STK32A: variants seen among roughly 807,000 people sequenced by gnomAD.
STK32A encodes serine/threonine-protein kinase 32A.
A neutral mutation model predicts 53.2 loss-of-function variants in STK32A; 41 were observed. The observed-to-expected ratio is 0.77, with a 90% CI of 0.60 to 1.00. The LOEUF (loss-of-function observed/expected upper bound fraction) is 1.00, where lower values mean the gene tolerates loss of function less well. STK32A is among the 50% of genes least tolerant of loss of function. The probability of loss-of-function intolerance (pLI) is 0.00; values close to 1 mark genes in which losing one functional copy is unlikely to be tolerated. For synonymous variants in STK32A, 166 were observed against 162.8 expected (o/e 1.02, Z -0.15); for missense variants, 458 against 485.8 (o/e 0.94, Z 0.54).
intron 2 of STK32A, among the ~76,000 whole-genome samples, chr5:147,267,867 C>T (rs891976910): frequency 6.6e-6 from 1 of 152,280 alleles, no homozygotes; most frequent in East Asian, 1.9e-4. Flanking sequence ...CTGCAAGACC[C>T]AGTTAAAATG....
At chr5:147,271,521 C>T (rs56070607) in intron 2 of STK32A, among the ~76,000 whole-genome samples, 10,039 of 152,198 alleles carry the variant, frequency 0.066, 393 homozygotes, top group South Asian at 0.085. Context: ...CTCTGACCGC[C>T]GGTGAGCCGG....
intron 2 of STK32A, among the ~76,000 whole-genome samples, chr5:147,249,938 C>T (rs539034263): frequency 6.3e-4 from 80 of 126,952 alleles, no homozygotes; most frequent in Non-Finnish European, 1.1e-3. Flanking sequence ...AAAAAGTGGC[C>T]TCATCTTCAT....
chr5:147,262,833 G>T (rs1754642542), intron 2 of STK32A, among the ~76,000 whole-genome samples: 1 of 152,110 alleles, frequency 6.6e-6, no homozygotes, highest in Admixed American at 6.6e-5. Flanking sequence ...GAAGGGGAAG[G>T]TGAGAAATAA....
chr5:147,279,431 C>A (rs1444050240), intron 4 of STK32A, 33 bp downstream of exon 4: 2 of 1,544,750 alleles, frequency 1.3e-6, no homozygotes, highest in East Asian at 4.9e-5. Flanking sequence ...TGAATAGAGA[C>A]ACTCCTGTTA....
intron 5 of STK32A, among the ~76,000 whole-genome samples, chr5:147,328,148 C>T (rs1754692388): frequency 6.6e-6 from 1 of 152,190 alleles, no homozygotes; most frequent in Admixed American, 6.5e-5. Context: ...GGACTTTTAA[C>T]AGCCAAAGCA....
intron 1 of STK32A, among the ~76,000 whole-genome samples, chr5:147,238,366 C>T (rs915380284): frequency 2.6e-5 from 4 of 152,144 alleles, no homozygotes; most frequent in Non-Finnish European, 4.4e-5. Flanking sequence ...CTATAGGGAT[C>T]CCAGCTTGTC....
intron 6 of STK32A, among the ~76,000 whole-genome samples, chr5:147,350,256 A>C (rs1183341341): frequency 1.3e-5 from 2 of 150,424 alleles, no homozygotes; most frequent in East Asian, 2.0e-4. Context: ...ATATGTACAA[A>C]AATATTTTAG....
chr5:147,282,550 C>T (rs1752114298), intron 4 of STK32A, among the ~76,000 whole-genome samples: 1 of 151,826 alleles, frequency 6.6e-6, no homozygotes, highest in Non-Finnish European at 1.5e-5. Flanking sequence ...AGGAGACTCA[C>T]CTAGTACATA....
intron 7 of STK32A, among the ~76,000 whole-genome samples, chr5:147,357,732 T>C (rs924640723): frequency 3.3e-5 from 5 of 152,018 alleles, no homozygotes; most frequent in Non-Finnish European, 5.9e-5. Flanking sequence ...TATGGTTTCA[T>C]TTTTTTACTT....
chr5:147,251,989 GC>G (rs1754020816), intron 2 of STK32A, among the ~76,000 whole-genome samples: 1 of 151,980 alleles, frequency 6.6e-6, no homozygotes, highest in Non-Finnish European at 1.5e-5. Context: ...GATCGCTGGA[GC>G]CCAGGAGTTC....
chr5:147,381,036 C>T (rs531379466), intron 11 of STK32A, among the ~76,000 whole-genome samples: 1 of 152,250 alleles, frequency 6.6e-6, no homozygotes, highest in South Asian at 2.1e-4. Context: ...GTTACTGTCT[C>T]GTGTCCTTTC....
chr5:147,400,650 T>G, the STK32A span: 1 of 1,604,136 alleles, frequency 6.2e-7, no homozygotes, highest in Non-Finnish European at 8.5e-7. Context: ...GGCCCATGGA[T>G]GTTTTGGCTC....
chr5:147,259,625 C>T (rs990471398), intron 2 of STK32A, among the ~76,000 whole-genome samples: 1 of 152,000 alleles, frequency 6.6e-6, no homozygotes, highest in Non-Finnish European at 1.5e-5. Context: ...ACATGTGCCA[C>T]GTTGGTGTGC....
chr5:147,353,222 C>T (rs1038816794), intron 7 of STK32A, among the ~76,000 whole-genome samples: 6 of 152,210 alleles, frequency 3.9e-5, no homozygotes, highest in Non-Finnish European at 8.8e-5. Flanking sequence ...GATCAATCCT[C>T]CACCTCCATA....
chr5:147,383,589 A>G (rs1448817845), intron 12 of STK32A, 84 bp downstream of exon 12: 11 of 1,134,934 alleles, frequency 9.7e-6, no homozygotes, highest in Non-Finnish European at 1.4e-5. Context: ...ATATATTTTT[A>G]ACATTTTAAA....
chr5:147,276,686 C>T (rs943564558), intron 2 of STK32A, among the ~76,000 whole-genome samples: 1 of 152,186 alleles, frequency 6.6e-6, no homozygotes, highest in Non-Finnish European at 1.5e-5. Flanking sequence ...TCCCCACCCT[C>T]ATTAAGCTTA....
chr5:147,332,009 G>A (rs1411041495), intron 5 of STK32A, among the ~76,000 whole-genome samples: 2 of 152,200 alleles, frequency 1.3e-5, no homozygotes, highest in African/African-American at 2.4e-5. Flanking sequence ...GCCACTGTTT[G>A]TGGTACTTTG....
At chr5:147,303,663 C>A (rs7703154) in intron 4 of STK32A, among the ~76,000 whole-genome samples, 120,929 of 152,144 alleles carry the variant, frequency 0.79, 48,632 homozygotes, top group African/African-American at 0.91. Context: ...TATGTTTAAG[C>A]AGTCCACAAA....
In STK32A at chr5:147,250,411, A is replaced by G. The variant is rs916310276; in HGVS notation, c.52+10725A>G. ...AAGAGGAATCCTAATATTTAGAAAC[A>G]AGGCAGTGGATAGCAATCTAGCTAT... is the stretch of plus-strand genomic sequence containing the variant. On this transcript the variant is annotated intron_variant, in intron 2 of 12. Coordinates refer to ENST00000397936, the MANE Select transcript of STK32A (RefSeq NM_001112724.2). 2.0e-5 allele frequency among the ~76,000 whole-genome samples: 3 copies of G among 152,200 alleles called. No individual in the cohort carries two copies. In the South Asian group the frequency reaches 6.2e-4, roughly 31 times the overall value.
Sources: gnomAD v4.1 joint callset for allele counts (sites outside exome capture counted in the v4.1 genomes callset) on GRCh38, gnomAD v4.1.1 for gene constraint, MANE v1.5 for transcripts, NCBI Gene and HGNC (gene_info 2026-07-23, HGNC 2026-07-21) for gene names.